Variants in NOVA2 observed in about 807,000 individuals in gnomAD.
NOVA2 encodes RNA-binding protein Nova-2.
Under a neutral mutation model 22.5 loss-of-function variants are expected in NOVA2, and 9 were observed. The observed-to-expected ratio is 0.40, with a 90% confidence interval of 0.24 to 0.70. The LOEUF (loss-of-function observed/expected upper bound fraction) is 0.70. Among genes scored for constraint, NOVA2 ranks in the 30% least tolerant of loss-of-function variants. NOVA2 has a pLI of 0.38. For synonymous variants in NOVA2, 318 were observed against 335.2 expected, an observed-to-expected ratio of 0.95 and a Z score of 0.56; for missense variants, 383 against 682.8, an observed-to-expected ratio of 0.56 and a Z score of 4.89.
At chr19:45,965,883 G>A (rs1349324406) in intron 1 of NOVA2, among the ~76,000 whole-genome samples, 1 of 152,238 alleles carries the variant, frequency 6.6e-6, no homozygotes, top group Non-Finnish European at 1.5e-5. Context: ...ATGAGGAAAT[G>A]TAAGGAAAGG....
intron 2 of NOVA2, among the ~76,000 whole-genome samples, chr19:45,954,299 C>T (rs1408122854): frequency 6.6e-6 from 1 of 152,190 alleles, no homozygotes; most frequent in Non-Finnish European, 1.5e-5. Context: ...CTTTGGCAAC[C>T]ATTCACTCAC....
chr19:45,963,156 A>G (rs1398873676), intron 1 of NOVA2, among the ~76,000 whole-genome samples: 1 of 151,996 alleles, frequency 6.6e-6, no homozygotes, highest in African/African-American at 2.4e-5. Context: ...GGAGGCGGGC[A>G]GATCACGAGG....
chr19:45,938,509 C>G lies in NOVA2; in HGVS notation c.*1354G>C, dbSNP rs2146404316. On this transcript the variant is annotated 3_prime_UTR_variant, in exon 4 of 4. Transcript: ENST00000263257. Reference sequence around the variant, plus strand: ...CCTGACAGAGCCACCACACACTTGGCTCACCCGATTCAATGAAACAAAGCC... The same window carrying G: ...CCTGACAGAGCCACCACACACTTGGGTCACCCGATTCAATGAAACAAAGCC... 1 of 152,734 alleles carries G rather than the reference C, an allele frequency of 6.5e-6. No homozygotes were observed. The highest frequency in any genetic ancestry group is 1.9e-4 in the East Asian group (1 of 5,180). 9.5% of individuals were successfully genotyped at this position (152,734 alleles called of 1,614,324 possible).
chr19:45,965,367 C>G (rs1968154829), intron 1 of NOVA2, among the ~76,000 whole-genome samples: 1 of 152,238 alleles, frequency 6.6e-6, no homozygotes, highest in Admixed American at 6.5e-5. Context: ...TGCCCCCTCT[C>G]TCTTGTACTT....
intron 1 of NOVA2, among the ~76,000 whole-genome samples, chr19:45,964,173 CTTTTTCTT>C (rs1381835587): frequency 3.2e-5 from 4 of 123,288 alleles, no homozygotes; most frequent in East Asian, 2.6e-4. Context: ...TTTTCTTTTT[CTTTTTCTT>C]TTTTTTTTTT....
At chr19:45,948,083 A>G (rs1967868168) in intron 3 of NOVA2, among the ~76,000 whole-genome samples, 1 of 152,166 alleles carries the variant, frequency 6.6e-6, no homozygotes, top group African/African-American at 2.4e-5. Context: ...AAATCCAAGC[A>G]TGACCACAAG....
chr19:45,944,551 T>A (rs1199192026), intron 3 of NOVA2, among the ~76,000 whole-genome samples: 4 of 152,196 alleles, frequency 2.6e-5, no homozygotes, highest in Non-Finnish European at 5.9e-5. Flanking sequence ...TTTAAAAAAG[T>A]CTCGTGGGAT....
rs748017043 is a variant in NOVA2 at position 45,940,016 on chromosome 19, G to A, written c.1326C>T (p.Ile442=). Residue 442 remains isoleucine, a synonymous_variant, in exon 4 of 4, where the codon ATC becomes ATT. Coordinates refer to ENST00000263257, the MANE Select transcript of NOVA2 (RefSeq NM_002516.4). The part of the protein sequence containing the change: ...YQELTGARIQ[I]SKKGEFLPGT... ...CTGGCAGGAACTCGCCCTTCTTGGA[G>A]ATCTGGATGCGAGCGCCCGTCAGCT... is the stretch of plus-strand genomic sequence containing the variant. The A allele has an allele frequency of 1.9e-6, 3 of 1,614,114 alleles. No homozygotes were observed. Among genetic ancestry groups the A allele is most frequent in the Non-Finnish European group, 2.5e-6 (3 of 1,179,980 alleles).
intron 3 of NOVA2, among the ~76,000 whole-genome samples, chr19:45,942,728 G>A (rs1967778478): frequency 6.6e-6 from 1 of 152,082 alleles, no homozygotes; most frequent in Non-Finnish European, 1.5e-5. Flanking sequence ...CTCAGTTGCA[G>A]AGCAGCCATC....
chr19:45,965,079 C>T (rs967241595), intron 1 of NOVA2, among the ~76,000 whole-genome samples: 1 of 152,148 alleles, frequency 6.6e-6, no homozygotes, highest in Non-Finnish European at 1.5e-5. Flanking sequence ...ATCATCCTGA[C>T]CCCTACTGAA....
At chr19:45,961,360 A>G (rs551773979) in intron 1 of NOVA2, among the ~76,000 whole-genome samples, 14 of 152,224 alleles carry the variant, frequency 9.2e-5, no homozygotes, top group Non-Finnish European at 2.1e-4. Flanking sequence ...CAAGAAGAAA[A>G]TAGACAAAGC....
intron 1 of NOVA2, among the ~76,000 whole-genome samples, chr19:45,962,774 G>C (rs1199927475): frequency 2.0e-5 from 3 of 152,036 alleles, no homozygotes; most frequent in African/African-American, 7.2e-5. Flanking sequence ...AGACTTCCGA[G>C]TAGCTGGGAC....
rs764587560 is a variant in NOVA2 at position 45,940,140 on chromosome 19, G to T, written c.1202C>A (p.Ala401Glu). 10 of 1,609,062 alleles carry T rather than the reference G, an allele frequency of 6.2e-6. No individual in the cohort carries two copies. The highest frequency in any genetic ancestry group is 1.3e-5 in the African/African-American group (1 of 74,838). The change falls in exon 4 of 4, where the codon GCG becomes GAG. Residue 401 changes from alanine to glutamate, a missense_variant. Ala to Glu is a moderately radical substitution (Grantham distance 107). Coordinates refer to ENST00000263257, the MANE Select transcript of NOVA2 (RefSeq NM_002516.4). ...AGGFLTAEKL[A>E]AESAKELVEI... ...CACCAGCTCCTTGGCACTCTCAGCC[G>T]CCAGCTTCTCCGCCGTCAGGAAGCC...
At chr19:45,956,537 C>CTCAGA (rs1281949275) in intron 2 of NOVA2, among the ~76,000 whole-genome samples, 1 of 151,782 alleles carries the variant, frequency 6.6e-6, no homozygotes, top group Non-Finnish European at 1.5e-5. Context: ...GCGGTGCGAT[C>CTCAGA]TCAGATCACG....
rs1967649211 is a variant in NOVA2, at chr19:45,936,147, A to C, written c.*3716T>G. 1 of 152,254 alleles carries C rather than the reference A, an allele frequency of 6.6e-6. No homozygotes were observed. The highest frequency in any genetic ancestry group is 6.5e-5 in the Admixed American group (1 of 15,286). The allele number at this position is 152,254 out of a possible 1,614,324, so 9.4% of individuals were successfully genotyped here. ...GGGGGATGAAGGAGGTTAATTTGGCACATCGAACCCCCTCTTCTCATAGGA... is the reference window on the plus strand; with the variant it reads ...GGGGGATGAAGGAGGTTAATTTGGCCCATCGAACCCCCTCTTCTCATAGGA... On this transcript the variant is annotated 3_prime_UTR_variant, in exon 4 of 4. Transcript: ENST00000263257.
In NOVA2 at chr19:45,939,859, G is replaced by A. The variant is rs1248564177; in HGVS notation, c.*4C>T. ...GAAAAGGGTGGGAGCACACACCACA[G>A]GCCTCATCCCACTTTCTGGGGGTTT... On this transcript the variant is annotated 3_prime_UTR_variant, in exon 4 of 4. Coordinates refer to ENST00000263257, the MANE Select transcript of NOVA2 (RefSeq NM_002516.4). 6.2e-7 allele frequency: 1 copy of A among 1,614,030 alleles called. No individual in the cohort carries two copies. Among genetic ancestry groups the A allele is most frequent in the African/African-American group, 1.3e-5 (1 of 75,052 alleles).
At chr19:45,954,868 G>A (rs1311229701) in intron 2 of NOVA2, among the ~76,000 whole-genome samples, 5 of 151,318 alleles carry the variant, frequency 3.3e-5, no homozygotes, top group African/African-American at 1.2e-4. Context: ...GTGTGTGTGT[G>A]TGTGTGTGTG....
intron 3 of NOVA2, among the ~76,000 whole-genome samples, chr19:45,942,579 C>G (rs1967776476): frequency 6.6e-6 from 1 of 152,110 alleles, no homozygotes; most frequent in Admixed American, 6.5e-5. Context: ...TCTGAGAAGG[C>G]AGACGTAAGT....
intron 1 of NOVA2, 40 bp downstream of exon 1, chr19:45,973,227 C>A: frequency 4.6e-6 from 6 of 1,303,792 alleles, no homozygotes; most frequent in Non-Finnish European, 5.1e-6. Context: ...GGCGAGGCCC[C>A]CTGCCCGCTC....
Sources: allele counts gnomAD v4.1 joint callset (sites outside exome capture counted in the v4.1 genomes callset), GRCh38; gene constraint gnomAD v4.1.1; transcripts MANE v1.5; gene names NCBI Gene and HGNC (gene_info 2026-07-23, HGNC 2026-07-21).